ACSM5: variants seen among roughly 807,000 people sequenced by gnomAD.
ACSM5 encodes acyl-coenzyme A synthetase ACSM5, mitochondrial.
ACSM5 carries 56 observed loss-of-function variants against 71.6 expected under a neutral mutation model. The ratio of observed to expected loss-of-function variants is 0.78; its 90% confidence interval spans 0.63 to 0.98. The LOEUF (loss-of-function observed/expected upper bound fraction) is 0.98, where lower values mean the gene tolerates loss of function less well. Among genes scored for constraint, ACSM5 ranks in the 50% least tolerant of loss-of-function variants. ACSM5 has a pLI of 0.00. For missense variants in ACSM5, 723 were observed against 726.0 expected, an observed-to-expected ratio of 1.00 and a Z score of 0.05; for synonymous variants, 285 against 281.5, an observed-to-expected ratio of 1.01 and a Z score of -0.12.
At chr16:20,411,330 C>A in intron 1 of ACSM5, 140 bp from the exon 2 acceptor site, 1 of 688,530 alleles carries the variant, frequency 1.5e-6, no homozygotes, top group South Asian at 1.8e-5. Flanking sequence ...AGAACTGAGA[C>A]TGAAGGTGGA....
chr16:20,436,401 C>T (rs1038753544), intron 10 of ACSM5, among the ~76,000 whole-genome samples: 15 of 151,798 alleles, frequency 9.9e-5, no homozygotes, highest in African/African-American at 2.4e-4. Context: ...CTCACAGCCT[C>T]GCCCTATAGC....
Position 20,427,886 on chromosome 16 carries a change from G to A in ACSM5, c.1001+19G>A, listed in dbSNP as rs551623680. 1.1e-4 allele frequency: 178 copies of A among 1,585,824 alleles called. 1 individual carries two copies. In the South Asian group the frequency reaches 1.2e-3, roughly 11 times the overall value. On this transcript the variant is annotated intron_variant, in intron 7 of 13. Transcript: ENST00000331849. Reference sequence around the variant, plus strand: ...TGACCAGGTACAGCCCGTCTATTTCGTGCTTTGAGGGCCTAAGTATGTGAA... The same window carrying A: ...TGACCAGGTACAGCCCGTCTATTTCATGCTTTGAGGGCCTAAGTATGTGAA...
In ACSM5 at chr16:20,411,493, A is replaced by G. The variant is rs1336295141; in HGVS notation, c.9A>G (p.Pro3=). Residue 3 remains proline, a synonymous_variant, in exon 2 of 14, where the codon CCA becomes CCG. Coordinates refer to ENST00000331849, the MANE Select transcript of ACSM5 (RefSeq NM_017888.3). MR[P]WLRHLVLQAL... is the part of the protein sequence containing the mutation. ...AGACAGGAGGCGACTGCATGAGACC[A>G]TGGCTGAGACACCTAGTCCTCCAGG... is the stretch of plus-strand genomic sequence containing the variant. 1 of 1,613,928 alleles carries G rather than the reference A, an allele frequency of 6.2e-7. No homozygotes were observed. The highest frequency in any genetic ancestry group is 8.5e-7 in the Non-Finnish European group (1 of 1,179,990).
chr16:20,422,978 GAGT>G (rs1300125573), intron 5 of ACSM5, among the ~76,000 whole-genome samples: 1 of 152,178 alleles, frequency 6.6e-6, no homozygotes, highest in African/African-American at 2.4e-5. Context: ...GTCAATTTGA[GAGT>G]CTTCTTAGAA....
chr16:20,432,317 A>G (rs1445666114), intron 10 of ACSM5, among the ~76,000 whole-genome samples: 1 of 152,206 alleles, frequency 6.6e-6, no homozygotes, highest in Non-Finnish European at 1.5e-5. Context: ...CCTGAGAGCC[A>G]CTGCTTAATA....
intron 2 of ACSM5, among the ~76,000 whole-genome samples, chr16:20,415,844 T>C (rs569493225): frequency 1.3e-5 from 2 of 152,320 alleles, no homozygotes; most frequent in South Asian, 4.1e-4. Flanking sequence ...TTTATTTTAA[T>C]TCATTGTTTG....
chr16:20,440,178 T>C, intron 13 of ACSM5, 166 bp from the exon 14 acceptor site: 2 of 662,908 alleles, frequency 3.0e-6, no homozygotes, highest in South Asian at 1.9e-5. Context: ...GTCAAAATGA[T>C]CCTGTGCTCC....
chr16:20,428,790 A>G (rs917549424), intron 7 of ACSM5, among the ~76,000 whole-genome samples: 7 of 152,128 alleles, frequency 4.6e-5, no homozygotes, highest in Non-Finnish European at 8.8e-5. Context: ...TTTGGTAATA[A>G]TAAGTAACTT....
At chr16:20,428,378 C>G (rs35354172) in intron 7 of ACSM5, among the ~76,000 whole-genome samples, 13,133 of 152,252 alleles carry the variant, frequency 0.086, 696 homozygotes, top group East Asian at 0.19. Flanking sequence ...GCCAACTGTT[C>G]TCTGAGCACA....
chr16:20,419,100 T>C, intron 3 of ACSM5, 128 bp from the exon 4 acceptor site: 1 of 750,170 alleles, frequency 1.3e-6, no homozygotes, highest in Non-Finnish European at 2.3e-6. Context: ...GCTGTTATTA[T>C]TATTATTGTT....
At chr16:20,429,650 G>A in intron 7 of ACSM5, 28 bp from the exon 8 acceptor site, 3 of 1,613,452 alleles carry the variant, frequency 1.9e-6, no homozygotes, top group Non-Finnish European at 2.5e-6. Flanking sequence ...TCCTGACATA[G>A]GTGGCCTTGT....
At chr16:20,435,369 T>C (rs1362758862) in intron 10 of ACSM5, among the ~76,000 whole-genome samples, 1 of 152,206 alleles carries the variant, frequency 6.6e-6, no homozygotes, top group African/African-American at 2.4e-5. Context: ...ATATCTTCTT[T>C]AATGTTGTGT....
In ACSM5 at chr16:20,427,873, G is replaced by C; in HGVS notation, c.1001+6G>C. On this transcript the variant is annotated splice_donor_region_variant and intron_variant, in intron 7 of 13. Coordinates refer to ENST00000331849, the MANE Select transcript of ACSM5 (RefSeq NM_017888.3). ...GTGCAGGAGGATCTGACCAGGTACAGCCCGTCTATTTCGTGCTTTGAGGGC... is the reference window on the plus strand; with the variant it reads ...GTGCAGGAGGATCTGACCAGGTACACCCCGTCTATTTCGTGCTTTGAGGGC... 2 of 1,610,456 alleles carry C rather than the reference G, an allele frequency of 1.2e-6. No homozygotes were observed. The highest frequency in any genetic ancestry group is 2.2e-5 in the East Asian group (1 of 44,844).
chr16:20,414,757 G>GA (rs34376433), intron 2 of ACSM5, among the ~76,000 whole-genome samples: 12 of 152,240 alleles, frequency 7.9e-5, no homozygotes, highest in African/African-American at 2.4e-4. Flanking sequence ...GAGGAGCACG[G>GA]AAAAAAGCCT....
In ACSM5 at chr16:20,423,994, C is replaced by T; in HGVS notation, c.846C>T (p.Leu282=). 2 of 1,614,176 alleles carry T rather than the reference C, an allele frequency of 1.2e-6. No homozygotes were observed. The highest frequency in any genetic ancestry group is 1.7e-6 in the Non-Finnish European group (2 of 1,180,026). The change falls in exon 6 of 14, where the codon CTC becomes CTT. Residue 282 remains leucine (L), a synonymous_variant. Coordinates refer to ENST00000331849, the MANE Select transcript of ACSM5 (RefSeq NM_017888.3). The stretch of plus-strand genomic sequence containing the variant: ...GCTGGGTGAAGGCAGCCTGGACTCT[C>T]TTCTCTGCCTGGCCTAATGGATCTT... ...DTGWVKAAWT[L]FSAWPNGSCI...
At chr16:20,416,648 A>G (rs1483435782) in intron 2 of ACSM5, among the ~76,000 whole-genome samples, 2 of 152,216 alleles carry the variant, frequency 1.3e-5, no homozygotes, top group Non-Finnish European at 2.9e-5. Flanking sequence ...ACATAGGAGT[A>G]TATTTTTGTG....
At chr16:20,438,641 T>C (rs1967251447) in intron 12 of ACSM5, among the ~76,000 whole-genome samples, 1 of 151,660 alleles carries the variant, frequency 6.6e-6, no homozygotes. Context: ...TGCTTAGAAC[T>C]GAGTCTGGTG....
chr16:20,424,444 C>A (rs769763745), intron 6 of ACSM5, among the ~76,000 whole-genome samples: 2 of 152,170 alleles, frequency 1.3e-5, no homozygotes, highest in Non-Finnish European at 2.9e-5. Context: ...GTTGGCCCAA[C>A]TAGAGAGTCC....
In ACSM5 at chr16:20,425,139, G is replaced by A. The variant is rs1419969360; in HGVS notation, c.921+1070G>A. On this transcript the variant is annotated intron_variant, in intron 6 of 13. Transcript: ENST00000331849. ...ACTAACCATCCCCACCTTTCTCCCA[G>A]CCCCCGACTACCCTTCCCAGCCTCT... Among the ~76,000 whole-genome samples, 3 of 152,068 alleles carry A rather than the reference G, an allele frequency of 2.0e-5. 1 individual carries two copies. The highest frequency in any genetic ancestry group is 6.8e-3 in the Middle Eastern group (2 of 294).
Sources: gnomAD v4.1 joint callset for allele counts (sites outside exome capture counted in the v4.1 genomes callset) on GRCh38, gnomAD v4.1.1 for gene constraint, MANE v1.5 for transcripts, NCBI Gene and HGNC (gene_info 2026-07-23, HGNC 2026-07-21) for gene names.